The following SESTD1 variants were observed in gnomAD, a reference collection of about 807,000 sequenced individuals.
SESTD1 encodes the protein SEC14 and spectrin domain containing 1.
SESTD1 carries 43 observed loss-of-function variants against 101.7 expected under a neutral mutation model. The ratio of observed to expected loss-of-function variants is 0.42; its 90% CI spans 0.33 to 0.55. The LOEUF (loss-of-function observed/expected upper bound fraction) is 0.55. Ranked by LOEUF, SESTD1 falls within the 20% of genes least tolerant of loss-of-function variation. The probability of loss-of-function intolerance (pLI) is 0.07; values close to 1 mark genes in which losing one functional copy is unlikely to be tolerated. For synonymous variants in SESTD1, 283 were observed against 286.8 expected, an observed-to-expected ratio of 0.99 and a Z score of 0.13; for missense variants, 647 against 815.1, an observed-to-expected ratio of 0.79 and a Z score of 2.51.
At position 179,116,713 on chromosome 2, in the gene SESTD1, C is replaced by T. The variant is rs76833045; in HGVS notation, c.1602G>A (p.Thr534=). 3,185 of 1,614,096 alleles carry T rather than the reference C, an allele frequency of 2.0e-3. 6 individuals are homozygous for T. Among genetic ancestry groups the T allele is most frequent in the Middle Eastern group, 2.5e-3 (15 of 6,060 alleles). Residue 534 remains threonine (T), a synonymous_variant, in exon 15 of 18, where the codon ACG becomes ACA. Coordinates refer to ENST00000428443, the MANE Select transcript of SESTD1 (RefSeq NM_178123.5). ...TTCTATGCTTTTCCAGCAAAACTTTCGTTTCTTGAGCATCATCGCCCAATC... is the reference window on the plus strand; with the variant it reads ...TTCTATGCTTTTCCAGCAAAACTTTTGTTTCTTGAGCATCATCGCCCAATC... ...HIRLGDDAQE[T]KVLLEKHRKF...
intron 1 of SESTD1, among the ~76,000 whole-genome samples, chr2:179,245,782 C>CGTAA (rs1456183371): frequency 6.6e-6 from 1 of 151,980 alleles, no homozygotes; most frequent in Non-Finnish European, 1.5e-5. Flanking sequence ...AAATGGCAGA[C>CGTAA]GTAAGCCCTA....
Position 179,194,988 on chromosome 2 carries a change from G to C in SESTD1, c.-25-3122C>G, listed in dbSNP as rs553872584. The stretch of plus-strand genomic sequence containing the variant: ...AGCCTTCAAGTTCTTCAGTAATTGA[G>C]AACAGAATAAGGGGAACAGAGCTAC... On this transcript the variant is annotated intron_variant, in intron 1 of 17. Coordinates refer to ENST00000428443, the MANE Select transcript of SESTD1 (RefSeq NM_178123.5). Among the ~76,000 whole-genome samples the C allele has an allele frequency of 2.0e-5, 3 of 152,284 alleles. No homozygotes were observed. The East Asian group carries it at 5.8e-4, about 29-fold the overall frequency.
rs916740923 is a variant in SESTD1, at chr2:179,107,148, C to T, written c.*2751G>A. 1.3e-5 allele frequency: 2 copies of T among 152,120 alleles called. No individual in the cohort carries two copies. The highest frequency in any genetic ancestry group is 4.8e-5 in the African/African-American group (2 of 41,418). 9.4% of individuals were successfully genotyped at this position (152,120 alleles called of 1,614,324 possible). On this transcript the variant is annotated 3_prime_UTR_variant, in exon 18 of 18. Coordinates refer to ENST00000428443, the MANE Select transcript of SESTD1 (RefSeq NM_178123.5). ...TAGAAACAGCTTGTGGTTTCAAACACACTGCAGTCACTTTTTTCACACGTT... is the reference window on the plus strand; with the variant it reads ...TAGAAACAGCTTGTGGTTTCAAACATACTGCAGTCACTTTTTTCACACGTT...
chr2:179,136,051 C>T (rs887106734), intron 9 of SESTD1, among the ~76,000 whole-genome samples: 5 of 152,138 alleles, frequency 3.3e-5, no homozygotes, highest in South Asian at 2.1e-4. Context: ...CATTTTTTCA[C>T]GAAAGAGACA....
intron 13 of SESTD1, among the ~76,000 whole-genome samples, chr2:179,118,612 A>T (rs562463641): frequency 6.6e-6 from 1 of 152,356 alleles, no homozygotes; most frequent in South Asian, 2.1e-4. Flanking sequence ...TTAAAATTCA[A>T]CTTGGTTAAA....
rs753679718 is a variant in SESTD1 at position 179,183,681 on chromosome 2, A to G, written c.56-493T>C. On this transcript the variant is annotated intron_variant, in intron 2 of 17. Transcript: ENST00000428443. ...AGTTTCACTGAAAAGTTAAGACTTG[A>G]GAAAAACAGAGCTGGGGGTATTGGC... 1.3e-3 allele frequency among the ~76,000 whole-genome samples: 193 copies of G among 152,214 alleles called. 1 individual carries two copies. In the Middle Eastern group the frequency reaches 0.024, roughly 19 times the overall value.
chr2:179,262,804 A>G (rs1439221887), intron 1 of SESTD1, among the ~76,000 whole-genome samples: 2 of 152,226 alleles, frequency 1.3e-5, no homozygotes, highest in Admixed American at 1.3e-4. Context: ...ATATATCATT[A>G]GTAGATTACC....
chr2:179,183,301 G>T, intron 2 of SESTD1, 113 bp from the exon 3 acceptor site: 1 of 572,200 alleles, frequency 1.7e-6, no homozygotes, highest in South Asian at 5.3e-5. Flanking sequence ...GATATAATTT[G>T]GAAAATATCT....
chr2:179,143,816 A>C lies in SESTD1; in HGVS notation c.638-13T>G. ...AACAATTCATGCCCTTTACAAATAA[A>C]AGATACTTGAAATTAATATCTGTAA... On this transcript the variant is annotated splice_polypyrimidine_tract_variant and intron_variant, in intron 8 of 17. Coordinates refer to ENST00000428443, the MANE Select transcript of SESTD1 (RefSeq NM_178123.5). The C allele has an allele frequency of 6.2e-7, 1 of 1,608,448 alleles. No individual in the cohort carries two copies. Among genetic ancestry groups the C allele is most frequent in the Non-Finnish European group, 8.5e-7 (1 of 1,178,300 alleles).
intron 1 of SESTD1, among the ~76,000 whole-genome samples, chr2:179,192,132 T>TG (rs1341409276): frequency 6.6e-6 from 1 of 152,190 alleles, no homozygotes; most frequent in East Asian, 1.9e-4. Context: ...AAATATCCTC[T>TG]GGTAGGCAAA....
chr2:179,184,680 A>G (rs2046179715), intron 2 of SESTD1, among the ~76,000 whole-genome samples: 1 of 152,170 alleles, frequency 6.6e-6, no homozygotes, highest in Non-Finnish European at 1.5e-5. Context: ...TTAAATCATC[A>G]ATGGTCAAGA....
chr2:179,240,302 A>G (rs1394955322), intron 1 of SESTD1, among the ~76,000 whole-genome samples: 2 of 151,662 alleles, frequency 1.3e-5, no homozygotes, highest in Non-Finnish European at 3.0e-5. Context: ...AGGTTTTCTA[A>G]AAGGAGTGAC....
At chr2:179,182,972 G>T in intron 3 of SESTD1, 108 bp downstream of exon 3, 1 of 631,490 alleles carries the variant, frequency 1.6e-6, no homozygotes. Flanking sequence ...TAATTTCACT[G>T]CGAATAAAAG....
At chr2:179,177,123 G>C (rs10169713) in intron 3 of SESTD1, among the ~76,000 whole-genome samples, 96,973 of 151,992 alleles carry the variant, frequency 0.64, 32,254 homozygotes, top group East Asian at 0.82. Context: ...CTTTTGCATT[G>C]TCAGTCACAG....
chr2:179,107,659 A>T lies in SESTD1; in HGVS notation c.*2240T>A, dbSNP rs1321368377. On this transcript the variant is annotated 3_prime_UTR_variant, in exon 18 of 18. Transcript: ENST00000428443. ...AACTTTAAAAAAGTATGTTTAAAACATACTTCAGACTGCAATGTAACAGGG... is the reference window on the plus strand; with the variant it reads ...AACTTTAAAAAAGTATGTTTAAAACTTACTTCAGACTGCAATGTAACAGGG... The T allele has an allele frequency of 6.6e-6, 1 of 152,208 alleles. No homozygotes were observed. Among genetic ancestry groups the T allele is most frequent in the East Asian group, 1.9e-4 (1 of 5,202 alleles). 9.4% of individuals were successfully genotyped at this position (152,208 alleles called of 1,614,324 possible). A position where few individuals can be genotyped will look rare whatever the true frequency, so the allele number is the denominator to read the frequency against.
intron 1 of SESTD1, among the ~76,000 whole-genome samples, chr2:179,234,698 A>G (rs1042301670): frequency 9.2e-5 from 14 of 152,222 alleles, no homozygotes; most frequent in African/African-American, 1.9e-4. Flanking sequence ...AAGACACATC[A>G]CTTCTGTAGT....
At chr2:179,255,529 A>G (rs2047381406) in intron 1 of SESTD1, among the ~76,000 whole-genome samples, 1 of 152,234 alleles carries the variant, frequency 6.6e-6, no homozygotes, top group South Asian at 2.1e-4. Flanking sequence ...CCATTCTATG[A>G]AGGCTGAGAG....
chr2:179,120,218 ACT>A (rs1307737773), intron 13 of SESTD1, among the ~76,000 whole-genome samples: 2 of 149,386 alleles, frequency 1.3e-5, no homozygotes, highest in East Asian at 2.0e-4. Flanking sequence ...ACAGAGCGAG[ACT>A]CTGTTTCAAA....
intron 1 of SESTD1, among the ~76,000 whole-genome samples, chr2:179,224,172 A>C (rs1156923688): frequency 6.6e-6 from 1 of 152,132 alleles, no homozygotes; most frequent in African/African-American, 2.4e-5. Context: ...ATTTCCTCAC[A>C]CCTCCAAATA....
Sources: gnomAD v4.1 joint callset for allele counts (sites outside exome capture counted in the v4.1 genomes callset) on GRCh38, gnomAD v4.1.1 for gene constraint, MANE v1.5 for transcripts, NCBI Gene and HGNC (gene_info 2026-07-23, HGNC 2026-07-21) for gene names.